Variants in CDH15 observed in about 807,000 individuals in gnomAD.
CDH15 encodes cadherin-15.
A neutral mutation model predicts 69.4 loss-of-function variants in CDH15; 73 were observed. The observed-to-expected ratio is 1.05, with a 90% CI of 0.87 to 1.28. CDH15 has a LOEUF of 1.28. CDH15 is among the 50% of genes most tolerant of loss of function. CDH15 has a pLI of 0.00. For missense variants in CDH15, 1,343 were observed against 1,133.6 expected (o/e 1.18, Z -2.65); for synonymous variants, 624 against 507.7 (o/e 1.23, Z -3.08).
intron 1 of CDH15, among the ~76,000 whole-genome samples, chr16:89,177,238 G>A (rs894364222): frequency 6.6e-6 from 1 of 152,162 alleles, no homozygotes; most frequent in Non-Finnish European, 1.5e-5. Flanking sequence ...TGGGGGGCTG[G>A]GAAGGTCGGG....
chr16:89,192,433 T>A lies in CDH15; in HGVS notation c.1844T>A (p.Leu615His). 3.9e-6 allele frequency: 6 copies of A among 1,557,490 alleles called. No homozygotes were observed. The highest frequency in any genetic ancestry group is 5.2e-6 in the Non-Finnish European group (6 of 1,159,090). The change falls in exon 11 of 14, where the codon CTC becomes CAC. Residue 615 changes from leucine to histidine, a missense_variant. By Grantham distance (99) the Leu-to-His change is moderately conservative. Coordinates refer to ENST00000289746, the MANE Select transcript of CDH15 (RefSeq NM_004933.3). ...CTGGTCATCGTGCTGGCCAGCGCCCTCCTGCTGCTGGGTGAGTGAGCGCCC... is the reference window on the plus strand; with the variant it reads ...CTGGTCATCGTGCTGGCCAGCGCCCACCTGCTGCTGGGTGAGTGAGCGCCC... ...GALVIVLASA[L>H]LLLVLVLLVA...
intron 1 of CDH15, among the ~76,000 whole-genome samples, chr16:89,175,965 G>A (rs1037179545): frequency 2.0e-5 from 3 of 151,126 alleles, no homozygotes; most frequent in African/African-American, 7.4e-5. Context: ...GGGGACCTCT[G>A]TGTGCTGGGC....
chr16:89,180,367 C>T lies in CDH15; in HGVS notation c.357+12C>T, dbSNP rs200552002. ...CTGATCGCTTCAGGGTGCGGAGCTG[C>T]GTGGTCGGACCTGTGCCCCTCAAGC... On this transcript the variant is annotated intron_variant, in intron 3 of 13. Coordinates refer to ENST00000289746, the MANE Select transcript of CDH15 (RefSeq NM_004933.3). The T allele has an allele frequency of 6.3e-5, 101 of 1,609,134 alleles. No homozygotes were observed. In the African/African-American group the frequency reaches 9.7e-4, roughly 16 times the overall value.
At chr16:89,180,055 C>G in intron 2 of CDH15, 145 bp from the exon 3 acceptor site, 3 of 895,136 alleles carry the variant, frequency 3.4e-6, no homozygotes, top group Non-Finnish European at 5.2e-6. Context: ...AGCACAGCTC[C>G]TCATTGGGTA....
At chr16:89,191,525 G>T in intron 9 of CDH15, 53 bp downstream of exon 9, 1 of 1,603,146 alleles carries the variant, frequency 6.2e-7, no homozygotes. Flanking sequence ...TCCCGGCTGA[G>T]CACCCCTGCC....
Position 89,190,428 on chromosome 16 carries a change from A to G in CDH15, c.1164A>G (p.Ala388=). The part of the protein sequence containing the change: ...NPLRTSLAEG[A]PPGTLVATFS... ...TTCGGACCAGCCTAGCAGAGGGGGC[A>G]CCCCCAGGCACTCTGGTGGCCACCT... Residue 388 remains alanine, a synonymous_variant, in exon 8 of 14, where the codon GCA becomes GCG. Coordinates refer to ENST00000289746, the MANE Select transcript of CDH15 (RefSeq NM_004933.3). 6.2e-7 allele frequency: 1 copy of G among 1,609,680 alleles called. No homozygotes were observed. The highest frequency in any genetic ancestry group is 8.5e-7 in the Non-Finnish European group (1 of 1,178,886).
In CDH15 at chr16:89,194,715, C is replaced by T. The variant is rs1915756056; in HGVS notation, c.2152-147C>T. On this transcript the variant is annotated intron_variant, in intron 13 of 13. Transcript: ENST00000289746. ...GCTGCTGTGCCCTCAGGACGCTTTGCCTCCCCTCAGACCTCGCCCCCGGAC... is the reference window on the plus strand; with the variant it reads ...GCTGCTGTGCCCTCAGGACGCTTTGTCTCCCCTCAGACCTCGCCCCCGGAC... 3.9e-6 allele frequency: 3 copies of T among 766,922 alleles called. No individual in the cohort carries two copies. The South Asian group carries it at 4.6e-5, about 12-fold the overall frequency. 47.5% of individuals were successfully genotyped at this position (766,922 alleles called of 1,614,324 possible).
chr16:89,194,820 T>C (rs1915760625), intron 13 of CDH15, 42 bp from the exon 14 acceptor site: 7 of 1,562,144 alleles, frequency 4.5e-6, no homozygotes, highest in East Asian at 2.3e-5. Flanking sequence ...GGGCACCCGC[T>C]GGCCCCTCCA....
intron 11 of CDH15, among the ~76,000 whole-genome samples, 155 bp downstream of exon 11, chr16:89,192,599 TCCG>T (rs2151604677): frequency 3.0e-5 from 2 of 65,860 alleles, no homozygotes; most frequent in Admixed American, 3.6e-4. Flanking sequence ...CCTCCCCAGC[TCCG>T]CCTCCTCCCT....
intron 7 of CDH15, among the ~76,000 whole-genome samples, chr16:89,189,579 C>T (rs983776307): frequency 6.6e-6 from 1 of 152,254 alleles, no homozygotes; most frequent in Non-Finnish European, 1.5e-5. Context: ...GGGCCAGAGG[C>T]AGGGGACACC....
At chr16:89,183,828 C>T (rs1915428299) in intron 4 of CDH15, 136 bp downstream of exon 4, 5 of 923,748 alleles carry the variant, frequency 5.4e-6, no homozygotes, top group South Asian at 3.5e-5. Flanking sequence ...GAGGCAGGTC[C>T]GTTTCCACAG....
rs533857889 is a variant in CDH15 at position 89,180,746 on chromosome 16, T to C, written c.357+391T>C. 2.5e-4 allele frequency among the ~76,000 whole-genome samples: 38 copies of C among 152,238 alleles called. 2 individuals carry two copies. Among genetic ancestry groups the C allele is most frequent in the African/African-American group, 8.4e-4 (35 of 41,542 alleles). ...TTGTTTTTGTTTTTTGTTTTTGAGA[T>C]GGAGTCTCGCTCTGTCGCCCAGGCT... On this transcript the variant is annotated intron_variant, in intron 3 of 13. Transcript: ENST00000289746.
intron 3 of CDH15, among the ~76,000 whole-genome samples, chr16:89,181,433 G>A (rs1915375080): frequency 3.3e-5 from 5 of 152,096 alleles, no homozygotes; most frequent in Non-Finnish European, 7.4e-5. Context: ...GCATCAAAGT[G>A]AGGCCTTGTC....
intron 1 of CDH15, among the ~76,000 whole-genome samples, chr16:89,177,490 C>G (rs1367578495): frequency 6.6e-6 from 1 of 152,094 alleles, no homozygotes; most frequent in East Asian, 1.9e-4. Flanking sequence ...GGAGGAGGGT[C>G]ACCCGAGAGA....
chr16:89,173,308 C>CTT (rs536768547), intron 1 of CDH15, among the ~76,000 whole-genome samples: 100 of 152,304 alleles, frequency 6.6e-4, no homozygotes, highest in Middle Eastern at 3.4e-3. Context: ...GGGAGGCTGG[C>CTT]GCCTGTGAAA....
At chr16:89,190,028 G>C (rs969333819) in intron 7 of CDH15, among the ~76,000 whole-genome samples, 4 of 152,328 alleles carry the variant, frequency 2.6e-5, no homozygotes, top group African/African-American at 9.6e-5. Flanking sequence ...TTGAACCCTG[G>C]GCTGCTCCCC....
At chr16:89,188,315 C>G (rs1456495999) in intron 7 of CDH15, 30 bp downstream of exon 7, 5 of 1,595,902 alleles carry the variant, frequency 3.1e-6, no homozygotes, top group Non-Finnish European at 3.4e-6. Flanking sequence ...CACACAGATG[C>G]CGGCAGACGC....
At chr16:89,177,408 G>A (rs1349404808) in intron 1 of CDH15, among the ~76,000 whole-genome samples, 2 of 152,178 alleles carry the variant, frequency 1.3e-5, no homozygotes, top group Non-Finnish European at 2.9e-5. Context: ...GTGGCCTGTG[G>A]GTCTTGGATG....
At chr16:89,191,583 A>T in intron 9 of CDH15, 72 bp from the exon 10 acceptor site, 6 of 1,572,384 alleles carry the variant, frequency 3.8e-6, no homozygotes, top group Non-Finnish European at 5.2e-6. Flanking sequence ...AGAGCTGCGC[A>T]CCCGCTCTGA....
Sources: allele counts gnomAD v4.1 joint callset (sites outside exome capture counted in the v4.1 genomes callset), GRCh38; gene constraint gnomAD v4.1.1; transcripts MANE v1.5; gene names NCBI Gene and HGNC (gene_info 2026-07-23, HGNC 2026-07-21).